C6orf132: variants seen among roughly 807,000 people sequenced by gnomAD.
The protein encoded by C6orf132 is uncharacterized protein C6orf132.
Under a neutral mutation model 65.3 loss-of-function variants are expected in C6orf132, and 43 were observed. The ratio of observed to expected loss-of-function variants is 0.66; its 90% CI spans 0.52 to 0.85. C6orf132 has a LOEUF of 0.85. Among genes scored for constraint, C6orf132 ranks in the 40% least tolerant of loss-of-function variants. The probability of loss-of-function intolerance (pLI) is 0.00; values close to 1 mark genes in which losing one functional copy is unlikely to be tolerated. For synonymous variants in C6orf132, 631 were observed against 654.1 expected, an observed-to-expected ratio of 0.96 and a Z score of 0.54; for missense variants, 1,488 against 1,548.8, an observed-to-expected ratio of 0.96 and a Z score of 0.66.
chr6:42,139,800 G>A (rs1767005450), intron 1 of C6orf132, among the ~76,000 whole-genome samples: 1 of 152,130 alleles, frequency 6.6e-6, no homozygotes, highest in Non-Finnish European at 1.5e-5. Flanking sequence ...CAAAAGATTG[G>A]ACACCCTGTT....
chr6:42,131,697 G>A (rs7763271), intron 1 of C6orf132, among the ~76,000 whole-genome samples: 6,621 of 152,266 alleles, frequency 0.043, 507 homozygotes, highest in African/African-American at 0.15. Flanking sequence ...AACTGTGGCC[G>A]TCTGACCCCC....
intron 2 of C6orf132, among the ~76,000 whole-genome samples, chr6:42,125,761 C>G (rs1766754530): frequency 6.6e-6 from 1 of 152,226 alleles, no homozygotes; most frequent in African/African-American, 2.4e-5. Context: ...CCAGCCCACT[C>G]CAGGGGCCCC....
rs765646309 is a variant in C6orf132, at chr6:42,105,145, C to T, written c.2767G>A (p.Asp923Asn). 2 of 1,537,080 alleles carry T rather than the reference C, an allele frequency of 1.3e-6. No homozygotes were observed. The highest frequency in any genetic ancestry group is 1.2e-5 in the South Asian group (1 of 84,066). Reference sequence around the variant, plus strand: ...CGGCTCAGCTCTGTGCCCTCTGCGTCTCTTCCCAGCCGCGGCCCCCACTTA... The same window carrying T: ...CGGCTCAGCTCTGTGCCCTCTGCGTTTCTTCCCAGCCGCGGCCCCCACTTA... ...PNKWGPRLGR[D>N]AEGTELSRRH... The change falls in exon 4 of 5, where the codon GAC becomes AAC. Residue 923 changes from aspartate (D) to asparagine (N), a missense_variant. Asp to Asn is a conservative substitution (Grantham distance 23). Coordinates refer to ENST00000341865, the MANE Select transcript of C6orf132 (RefSeq NM_001164446.3).
At chr6:42,120,933 T>C (rs1766674491) in intron 2 of C6orf132, among the ~76,000 whole-genome samples, 1 of 152,196 alleles carries the variant, frequency 6.6e-6, no homozygotes, top group South Asian at 2.1e-4. Flanking sequence ...GTTTTCTTTT[T>C]AATTATTGTG....
chr6:42,106,352 T>C lies in C6orf132; in HGVS notation c.1560A>G (p.Ala520=). 1.3e-6 allele frequency: 2 copies of C among 1,536,472 alleles called. No individual in the cohort carries two copies. Among genetic ancestry groups the C allele is most frequent in the African/African-American group, 1.4e-5 (1 of 73,112 alleles). The change falls in exon 4 of 5, where the codon GCA becomes GCG. Residue 520 remains alanine (A), a synonymous_variant. Transcript: ENST00000341865. ...PEKETLLSLP[A]KDTPPGVPEK... is the part of the protein sequence containing the mutation. ...CAGGAACACCTGGGGGAGTGTCCTT[T>C]GCTGGCAGGCTCAGGAGAGTCTCCT...
rs1766804633 is a variant in C6orf132 at position 42,128,663 on chromosome 6, C to T, written c.252+9G>A. 4.5e-6 allele frequency: 7 copies of T among 1,549,104 alleles called. No individual in the cohort carries two copies. Among genetic ancestry groups the T allele is most frequent in the East Asian group, 2.4e-5 (1 of 40,896 alleles). ...AGACTCTCCAACCTCAGAGCAGAAC[C>T]GTACTCACCAGCGGAAGGAAGGTCA... is the stretch of plus-strand genomic sequence containing the variant. On this transcript the variant is annotated intron_variant, in intron 2 of 4. Transcript: ENST00000341865.
chr6:42,103,743 GC>G lies in C6orf132; in HGVS notation c.*17del. 1 of 1,357,698 alleles carries G rather than the reference GC, an allele frequency of 7.4e-7. No homozygotes were observed. The highest frequency in any genetic ancestry group is 1.5e-5 in the African/African-American group (1 of 66,636). The allele number at this position is 1,357,698 out of a possible 1,614,324, so 84.1% of individuals were successfully genotyped here. ...TAAAGACACAGTTTGTTGGAGTAGA[GC>G]TAAGAGAACCCCTGGCTCAGGAGGT... On this transcript the variant is annotated 3_prime_UTR_variant, in exon 5 of 5. Coordinates refer to ENST00000341865, the MANE Select transcript of C6orf132 (RefSeq NM_001164446.3).
chr6:42,105,449 A>G lies in C6orf132; in HGVS notation c.2463T>C (p.Asp821=). 3.3e-6 allele frequency: 5 copies of G among 1,534,738 alleles called. No individual in the cohort carries two copies. Among genetic ancestry groups the G allele is most frequent in the Non-Finnish European group, 4.4e-6 (5 of 1,145,766 alleles). The change falls in exon 4 of 5, where the codon GAT becomes GAC. Residue 821 remains aspartate (D), a synonymous_variant. Transcript: ENST00000341865. ...AKPPASAQPT[D]ELLRHPVTGE... ...CAGTCACCGGGTGCCTGAGGAGTTC[A>G]TCAGTGGGCTGGGCCGAGGCAGGAG... is the stretch of plus-strand genomic sequence containing the variant.
In C6orf132 at chr6:42,104,683, G is replaced by T; in HGVS notation, c.3229C>A (p.Leu1077Ile). ...YVGEPHRGPG[L>I]PHGGTGRSLS... is the part of the protein sequence containing the mutation. ...CTGCGGCCGGTGCCACCGTGGGGTA[G>T]CCCTGGGCCTCGGTGCGGCTCCCCG... Residue 1077 changes from leucine to isoleucine, a missense_variant, in exon 4 of 5, where the codon CTA becomes ATA. Leu to Ile is a conservative substitution (Grantham distance 5). Coordinates refer to ENST00000341865, the MANE Select transcript of C6orf132 (RefSeq NM_001164446.3). The surrounding 1 kb of genome is among the most constrained non-coding windows in gnomAD (Gnocchi z 4.1). 1 of 1,515,692 alleles carries T rather than the reference G, an allele frequency of 6.6e-7. No individual in the cohort carries two copies. The highest frequency in any genetic ancestry group is 8.8e-7 in the Non-Finnish European group (1 of 1,138,994). The allele number at this position is 1,515,692 out of a possible 1,614,324, so 93.9% of individuals were successfully genotyped here.
chr6:42,134,894 G>A lies in C6orf132; in HGVS notation c.146-6116C>T, dbSNP rs544782784. Among the ~76,000 whole-genome samples, 32 of 152,138 alleles carry A rather than the reference G, an allele frequency of 2.1e-4. 1 individual carries two copies. Among genetic ancestry groups the A allele is most frequent in the Middle Eastern group, 3.4e-3 (1 of 292 alleles). ...GTAATCCCAGCTACTCAGGATACTC[G>A]GGAGGCTGAGGCAGGAGAATCACTT... On this transcript the variant is annotated intron_variant, in intron 1 of 4. Coordinates refer to ENST00000341865, the MANE Select transcript of C6orf132 (RefSeq NM_001164446.3).
chr6:42,122,743 G>T (rs988652000), intron 2 of C6orf132, among the ~76,000 whole-genome samples: 1 of 152,194 alleles, frequency 6.6e-6, no homozygotes, highest in African/African-American at 2.4e-5. Flanking sequence ...GGGGTGGGTG[G>T]AAAGGAGAGA....
At chr6:42,137,822 C>CG (rs1554183349) in intron 1 of C6orf132, among the ~76,000 whole-genome samples, 5 of 40,586 alleles carry the variant, frequency 1.2e-4, no homozygotes, top group African/African-American at 2.7e-4. Context: ...GGGGCGGGGG[C>CG]GGGGCGGGGC....
chr6:42,141,530 G>T (rs551176768), intron 1 of C6orf132, among the ~76,000 whole-genome samples: 1 of 152,344 alleles, frequency 6.6e-6, no homozygotes, highest in Non-Finnish European at 1.5e-5. Flanking sequence ...AGCCAAGGCG[G>T]TGCTTTTAGA....
At chr6:42,109,589 G>A (rs956757599) in intron 3 of C6orf132, among the ~76,000 whole-genome samples, 6 of 152,124 alleles carry the variant, frequency 3.9e-5, no homozygotes, top group African/African-American at 7.2e-5. Context: ...ACCCCAAGGC[G>A]GAAATGTGCC....
Position 42,137,266 on chromosome 6 carries a change from A to T in C6orf132, c.145+5034T>A, listed in dbSNP as rs960695765. On this transcript the variant is annotated intron_variant, in intron 1 of 4. Transcript: ENST00000341865. ...ACCTTGTAGCTGGTCTGTAGGGGTC[A>T]AGGGCAGGCCTGGCTTTCTGGAGTT... is the stretch of plus-strand genomic sequence containing the variant. Among the ~76,000 whole-genome samples the T allele has an allele frequency of 3.3e-5, 5 of 152,162 alleles. No individual in the cohort carries two copies. In the South Asian group the frequency reaches 6.2e-4, roughly 19 times the overall value.
intron 2 of C6orf132, among the ~76,000 whole-genome samples, chr6:42,113,319 A>T (rs1301319383): frequency 6.6e-6 from 1 of 152,236 alleles, no homozygotes; most frequent in Non-Finnish European, 1.5e-5. Context: ...CAGGCTTGCC[A>T]GCAGTGTAGC....
chr6:42,111,707 G>A (rs1035610904), intron 2 of C6orf132, among the ~76,000 whole-genome samples: 9 of 152,222 alleles, frequency 5.9e-5, no homozygotes. Context: ...TAACAGGTAT[G>A]AGCCACTGTT....
intron 2 of C6orf132, among the ~76,000 whole-genome samples, chr6:42,115,422 G>A (rs970501128): frequency 6.6e-6 from 1 of 151,818 alleles, no homozygotes; most frequent in Non-Finnish European, 1.5e-5. Context: ...TGAGGCGGGC[G>A]GATCATGAGG....
chr6:42,138,850 A>AACACACACACACACACACAC (rs59373265), intron 1 of C6orf132, among the ~76,000 whole-genome samples: 4,128 of 142,742 alleles, frequency 0.029, 87 homozygotes, highest in South Asian at 0.04. Context: ...CATGCATTTA[A>AACACACACACACACACACAC]ACACACACAC....
Sources: allele counts gnomAD v4.1 joint callset (sites outside exome capture counted in the v4.1 genomes callset), GRCh38; gene constraint gnomAD v4.1.1; non-coding constraint Gnocchi (gnomAD v3.1); transcripts MANE v1.5; gene names NCBI Gene and HGNC (gene_info 2026-07-23, HGNC 2026-07-21).